The following GHR variants were observed in gnomAD, a reference collection of about 807,000 sequenced individuals.
GHR encodes growth hormone receptor.
Under a neutral mutation model 67.1 loss-of-function variants are expected in GHR, and 35 were observed. The observed-to-expected ratio is 0.52, with a 90% CI of 0.40 to 0.69. The LOEUF is 0.69. Among genes scored for constraint, GHR ranks in the 30% least tolerant of loss-of-function variants. The probability of loss-of-function intolerance (pLI) is 0.00; values close to 1 mark genes in which losing one functional copy is unlikely to be tolerated. For missense variants in GHR, 792 were observed against 764.6 expected (o/e 1.04, Z -0.42); for synonymous variants, 272 against 269.1 (o/e 1.01, Z -0.10).
chr5:42,679,237 A>G (rs1343346182), intron 3 of GHR, among the ~76,000 whole-genome samples: 2 of 147,332 alleles, frequency 1.4e-5, no homozygotes, highest in Non-Finnish European at 3.0e-5. Flanking sequence ...ATTTTAATAT[A>G]CTTAAATTTA....
chr5:42,621,426 T>C (rs1037519387), intron 2 of GHR, among the ~76,000 whole-genome samples: 1 of 152,120 alleles, frequency 6.6e-6, no homozygotes. Context: ...TCTCAGCACA[T>C]GCACAAGCTT....
At chr5:42,649,366 A>G (rs1754903180) in intron 3 of GHR, among the ~76,000 whole-genome samples, 1 of 152,216 alleles carries the variant, frequency 6.6e-6, no homozygotes, top group Non-Finnish European at 1.5e-5. Flanking sequence ...AGAGGTTCTA[A>G]TTAGGAATTT....
intron 2 of GHR, among the ~76,000 whole-genome samples, chr5:42,598,903 G>A (rs1044321831): frequency 2.0e-5 from 3 of 152,076 alleles, no homozygotes; most frequent in Admixed American, 2.0e-4. Flanking sequence ...CATTTTTAAA[G>A]GAAAAAGTTA....
At chr5:42,702,569 A>G (rs1757981540) in intron 6 of GHR, among the ~76,000 whole-genome samples, 1 of 152,098 alleles carries the variant, frequency 6.6e-6, no homozygotes, top group Admixed American at 6.6e-5. Flanking sequence ...TAGTGGAATA[A>G]TATAATGGAT....
At position 42,591,939 on chromosome 5, in the gene GHR, C is replaced by T. The variant is rs76838421; in HGVS notation, c.70+25995C>T. On this transcript the variant is annotated intron_variant, in intron 2 of 9. Coordinates refer to ENST00000230882, the MANE Select transcript of GHR (RefSeq NM_000163.5). ...CAGTCCAAAGGCCGGTCTCACTCCA[C>T]TGTGCCCCTCTAACAGCACCGAGTC... Among the ~76,000 whole-genome samples the T allele has an allele frequency of 8.2e-4, 125 of 152,310 alleles. 1 individual carries two copies. The East Asian group carries it at 0.019, about 23-fold the overall frequency.
intron 5 of GHR, among the ~76,000 whole-genome samples, chr5:42,699,483 T>G (rs1286972944): frequency 6.6e-6 from 1 of 152,212 alleles, no homozygotes; most frequent in Non-Finnish European, 1.5e-5. Context: ...TTTTTCAGTT[T>G]CAAGTGAAAA....
intron 1 of GHR, among the ~76,000 whole-genome samples, chr5:42,448,488 G>A (rs193094941): frequency 6.6e-6 from 1 of 151,506 alleles, no homozygotes; most frequent in Admixed American, 6.6e-5. Flanking sequence ...GTAGATTCTG[G>A]ATATCTTGCC....
intron 2 of GHR, among the ~76,000 whole-genome samples, chr5:42,592,263 A>G (rs1027287416): frequency 1.3e-5 from 2 of 151,984 alleles, no homozygotes; most frequent in Non-Finnish European, 2.9e-5. Context: ...ATGTTTTTTT[A>G]ATTTAACTTC....
intron 1 of GHR, among the ~76,000 whole-genome samples, chr5:42,455,840 G>A (rs1314679439): frequency 6.6e-6 from 1 of 152,198 alleles, no homozygotes; most frequent in East Asian, 1.9e-4. Context: ...AGAATTTTGT[G>A]ATCAACATGT....
intron 2 of GHR, chr5:42,619,774 A>G (rs1490556012): frequency 6.6e-6 from 1 of 152,186 alleles, no homozygotes; most frequent in South Asian, 2.1e-4. Flanking sequence ...TTTATGAAAG[A>G]TGCCTTTGCC....
chr5:42,469,067 A>G (rs1391689497), intron 1 of GHR, among the ~76,000 whole-genome samples: 1 of 152,264 alleles, frequency 6.6e-6, no homozygotes, highest in Admixed American at 6.5e-5. Context: ...ATGACAAATT[A>G]AAAGATAGTT....
intron 1 of GHR, among the ~76,000 whole-genome samples, chr5:42,461,870 T>A (rs962328232): frequency 2.6e-5 from 4 of 152,222 alleles, no homozygotes; most frequent in African/African-American, 9.6e-5. Flanking sequence ...GACAGACTGG[T>A]AGGGACTAGG....
At chr5:42,490,947 G>T (rs1313856089) in intron 1 of GHR, among the ~76,000 whole-genome samples, 1 of 152,206 alleles carries the variant, frequency 6.6e-6, no homozygotes, top group Non-Finnish European at 1.5e-5. Flanking sequence ...TGGAAAAAAA[G>T]GAAGTTCCAT....
chr5:42,456,970 C>T (rs2112026858), intron 1 of GHR, among the ~76,000 whole-genome samples: 2 of 152,262 alleles, frequency 1.3e-5, no homozygotes, highest in Non-Finnish European at 2.9e-5. Context: ...TTTAATGAAG[C>T]TTTCCCCTCT....
chr5:42,652,786 G>A (rs560347276), intron 3 of GHR, among the ~76,000 whole-genome samples: 4 of 152,248 alleles, frequency 2.6e-5, no homozygotes, highest in African/African-American at 9.6e-5. Flanking sequence ...GAGGCACAAG[G>A]AAGAGAAGTG....
rs184639904 is a variant in GHR at position 42,588,772 on chromosome 5, A to G, written c.70+22828A>G. Among the ~76,000 whole-genome samples, 317 of 152,150 alleles carry G rather than the reference A, an allele frequency of 2.1e-3. 1 individual carries two copies. The highest frequency in any genetic ancestry group is 6.6e-3 in the African/African-American group (276 of 41,512). On this transcript the variant is annotated intron_variant, in intron 2 of 9. Coordinates refer to ENST00000230882, the MANE Select transcript of GHR (RefSeq NM_000163.5). ...GAATGTCTTTTTTTGTTTTCTACCA[A>G]AACCTTTATAACAAAACAAAATTCA...
intron 1 of GHR, among the ~76,000 whole-genome samples, chr5:42,486,051 C>T (rs1745865182): frequency 6.6e-6 from 1 of 152,156 alleles, no homozygotes; most frequent in Non-Finnish European, 1.5e-5. Context: ...GGACTTTTCC[C>T]AGGAATTCTG....
chr5:42,465,815 C>T, intron 1 of GHR: 2 of 777,980 alleles, frequency 2.6e-6, no homozygotes, highest in Non-Finnish European at 4.8e-6. Context: ...TCTTCCAAGA[C>T]CACCATGACC....
chr5:42,540,958 T>C (rs540726338), intron 1 of GHR, among the ~76,000 whole-genome samples: 48 of 147,450 alleles, frequency 3.3e-4, no homozygotes, highest in Non-Finnish European at 5.7e-4. Context: ...TTTTTTTTTG[T>C]CTAGAATTTA....
Sources: allele counts gnomAD v4.1 joint callset (sites outside exome capture counted in the v4.1 genomes callset), GRCh38; gene constraint gnomAD v4.1.1; transcripts MANE v1.5; gene names NCBI Gene and HGNC (gene_info 2026-07-23, HGNC 2026-07-21).